ABCB10: variants seen among roughly 807,000 people sequenced by gnomAD.
The protein encoded by ABCB10 is ATP binding cassette subfamily B member 10.
ABCB10 carries 54 observed loss-of-function variants against 65.4 expected under a neutral mutation model. That is an observed-to-expected ratio of 0.83 (90% CI 0.66 to 1.04). The LOEUF (loss-of-function observed/expected upper bound fraction) is 1.04, where lower values mean the gene tolerates loss of function less well. Ranked by LOEUF, ABCB10 falls within the 50% of genes least tolerant of loss-of-function variation. The probability of loss-of-function intolerance (pLI) is 0.00; values close to 1 mark genes in which losing one functional copy is unlikely to be tolerated. For synonymous variants in ABCB10, 418 were observed against 406.5 expected, an observed-to-expected ratio of 1.03 and a Z score of -0.34; for missense variants, 846 against 976.6, an observed-to-expected ratio of 0.87 and a Z score of 1.78.
At chr1:229,542,855 G>T (rs1307319642) in intron 3 of ABCB10, among the ~76,000 whole-genome samples, 1 of 152,060 alleles carries the variant, frequency 6.6e-6, no homozygotes, top group Non-Finnish European at 1.5e-5. Context: ...ATCGGGTGGG[G>T]TGTGGTGGCT....
intron 4 of ABCB10, 31 bp from the exon 5 acceptor site, chr1:229,540,783 A>G: frequency 1.9e-6 from 3 of 1,597,222 alleles, no homozygotes; most frequent in Non-Finnish European, 2.6e-6. Flanking sequence ...TTTCAGGAGG[A>G]GAAGGGTCAT....
chr1:229,552,251 C>A (rs1663135246), intron 1 of ABCB10, among the ~76,000 whole-genome samples: 1 of 152,220 alleles, frequency 6.6e-6, no homozygotes, highest in African/African-American at 2.4e-5. Context: ...CAAGATCTGA[C>A]TACATATCAC....
intron 3 of ABCB10, among the ~76,000 whole-genome samples, chr1:229,545,368 T>C (rs1339487593): frequency 6.6e-6 from 1 of 152,186 alleles, no homozygotes. Context: ...AAGTGCTTCA[T>C]GGGACACAAA....
At chr1:229,537,050 A>T (rs527517135) in intron 6 of ABCB10, among the ~76,000 whole-genome samples, 1 of 152,394 alleles carries the variant, frequency 6.6e-6, no homozygotes, top group East Asian at 1.9e-4. Context: ...GCACAGGAGG[A>T]CATATATTGT....
chr1:229,532,052 A>C (rs1020646217), intron 6 of ABCB10: 1 of 188,692 alleles, frequency 5.3e-6, no homozygotes, highest in Non-Finnish European at 1.1e-5. Flanking sequence ...TCCCCAGTTC[A>C]AGTGATTCTC....
chr1:229,519,885 G>T (rs1364477198), intron 11 of ABCB10, among the ~76,000 whole-genome samples: 1 of 152,148 alleles, frequency 6.6e-6, no homozygotes, highest in African/African-American at 2.4e-5. Flanking sequence ...CAACACTCTG[G>T]CAGGCTGAGG....
In ABCB10 at chr1:229,517,574, G is replaced by C. The variant is rs567208944; in HGVS notation, c.*605C>G. 1 of 152,328 alleles carries C rather than the reference G, an allele frequency of 6.6e-6. No homozygotes were observed. The highest frequency in any genetic ancestry group is 2.4e-5 in the African/African-American group (1 of 41,568). 9.4% of individuals were successfully genotyped at this position (152,328 alleles called of 1,614,324 possible). A position where few individuals can be genotyped will look rare whatever the true frequency, so the allele number is the denominator to read the frequency against. On this transcript the variant is annotated 3_prime_UTR_variant, in exon 13 of 13. Transcript: ENST00000344517. ...TGAAAACTGCACATATTCAAACATA[G>C]TTCCCATAGGAACACATATTCCTCA...
chr1:229,525,621 A>G (rs1039076098), intron 10 of ABCB10, among the ~76,000 whole-genome samples: 4 of 152,188 alleles, frequency 2.6e-5, no homozygotes, highest in Admixed American at 6.5e-5. Flanking sequence ...TGGGCGGATC[A>G]CGAGGTCAGG....
At chr1:229,523,919 C>T (rs951340890) in intron 10 of ABCB10, among the ~76,000 whole-genome samples, 2 of 152,042 alleles carry the variant, frequency 1.3e-5, no homozygotes, top group Admixed American at 6.6e-5. Context: ...ACACAGCAGT[C>T]AGGAATTCTA....
intron 1 of ABCB10, among the ~76,000 whole-genome samples, chr1:229,552,138 A>T (rs1351444147): frequency 6.6e-6 from 1 of 152,238 alleles, no homozygotes; most frequent in Non-Finnish European, 1.5e-5. Context: ...ATAATCATTT[A>T]AAAATTATCA....
chr1:229,530,074 G>A (rs369590284), intron 8 of ABCB10, 125 bp downstream of exon 8: 1 of 944,684 alleles, frequency 1.1e-6, no homozygotes, highest in South Asian at 1.5e-5. Flanking sequence ...CTTTCCACTG[G>A]CACTTAGAAA....
At chr1:229,533,928 G>T (rs1210421067) in intron 6 of ABCB10, among the ~76,000 whole-genome samples, 1 of 152,070 alleles carries the variant, frequency 6.6e-6, no homozygotes, top group Non-Finnish European at 1.5e-5. Flanking sequence ...AAAGAAGCTG[G>T]ACTTCATTAA....
intron 2 of ABCB10, 45 bp from the exon 3 acceptor site, chr1:229,547,746 C>A (rs1259848319): frequency 1.3e-6 from 2 of 1,598,880 alleles, no homozygotes; most frequent in Non-Finnish European, 1.7e-6. Context: ...TAAAGACATC[C>A]ATTACCATTA....
chr1:229,558,354 C>A lies in ABCB10; in HGVS notation c.299G>T (p.Cys100Phe). 8.0e-7 allele frequency: 1 copy of A among 1,255,580 alleles called. No individual in the cohort carries two copies. Among genetic ancestry groups the A allele is most frequent in the Non-Finnish European group, 1.0e-6 (1 of 988,966 alleles). The allele number at this position is 1,255,580 out of a possible 1,614,324, so 77.8% of individuals were successfully genotyped here. A position where few individuals can be genotyped will look rare whatever the true frequency, so the allele number is the denominator to read the frequency against. ...TGGCCCGGCAAAAGCCCCGCACCTG[C>A]AGCTGCCGGGGCCGCGAGCCCACAG... ...LGLWARGPGS[C>F]RCGAFAGPGA... is the part of the protein sequence containing the mutation. The change falls in exon 1 of 13, where the codon TGC becomes TTC. Residue 100 changes from cysteine to phenylalanine, a missense_variant. Cys to Phe is a radical substitution (Grantham distance 205). This residue lies in a region of ABCB10 where 214 missense variants were observed against 173.5 expected (regional missense o/e 1.23). Coordinates refer to ENST00000344517, the MANE Select transcript of ABCB10 (RefSeq NM_012089.3).
intron 1 of ABCB10, among the ~76,000 whole-genome samples, chr1:229,551,924 T>C (rs1314886199): frequency 6.6e-6 from 1 of 152,230 alleles, no homozygotes; most frequent in Non-Finnish European, 1.5e-5. Context: ...ACCTGCTATA[T>C]AAAGGTCCAC....
At position 229,547,524 on chromosome 1, in the gene ABCB10, TG is replaced by T. The variant is rs1397737317; in HGVS notation, c.895del (p.Gln299ArgfsTer4). 3.1e-6 allele frequency: 5 copies of T among 1,613,254 alleles called. No individual in the cohort carries two copies. In the South Asian group the frequency reaches 5.5e-5, roughly 18 times the overall value. On this transcript the variant is annotated frameshift_variant, in exon 3 of 13. Coordinates refer to ENST00000344517, the MANE Select transcript of ABCB10 (RefSeq NM_012089.3). LOFTEE classifies it high-confidence loss of function. ...CATCATACTGATGCCTACGGAAGCCTGGGCCCCGGCCCTGAGCCCATCTGAG... is the reference window on the plus strand; with the variant it reads ...CATCATACTGATGCCTACGGAAGCCTGGCCCCGGCCCTGAGCCCATCTGAG... ...NLSDGLRAGA[Q>X]ASVGISMMFF... is the part of the protein sequence containing the mutation.
chr1:229,549,812 T>G (rs1416487081), intron 1 of ABCB10: 1 of 232,124 alleles, frequency 4.3e-6, no homozygotes, highest in Non-Finnish European at 8.7e-6. Flanking sequence ...ATGCTATACA[T>G]GCTATACTCC....
rs767524203 is a variant in ABCB10, at chr1:229,558,248, G to A, written c.405C>T (p.Arg135=). The part of the protein sequence containing the change: ...AAWAGDEAWR[R]GPAAPPGDKG... The stretch of plus-strand genomic sequence containing the variant: ...TGTCCCCGGGAGGCGCCGCCGGCCC[G>A]CGCCGCCAGGCCTCGTCCCCTGCCC... Residue 135 remains arginine, a synonymous_variant, in exon 1 of 13, where the codon CGC becomes CGT. Coordinates refer to ENST00000344517, the MANE Select transcript of ABCB10 (RefSeq NM_012089.3). 8.0e-4 allele frequency: 1,068 copies of A among 1,330,200 alleles called. 4 individuals carry two copies. Among genetic ancestry groups the A allele is most frequent in the South Asian group, 1.3e-3 (71 of 54,756 alleles). 82.4% of individuals were successfully genotyped at this position (1,330,200 alleles called of 1,614,324 possible).
intron 1 of ABCB10, among the ~76,000 whole-genome samples, chr1:229,557,129 C>T: frequency 6.6e-6 from 1 of 152,212 alleles, no homozygotes; most frequent in South Asian, 2.1e-4. Context: ...CTCCACTGTG[C>T]AAACCTACTC....
Sources: allele counts gnomAD v4.1 joint callset (sites outside exome capture counted in the v4.1 genomes callset), GRCh38; gene constraint gnomAD v4.1.1; regional missense constraint gnomAD v4.1.1; transcripts MANE v1.5; gene names NCBI Gene and HGNC (gene_info 2026-07-23, HGNC 2026-07-21).